FANCL: variants seen among roughly 807,000 people sequenced by gnomAD.
FANCL encodes FA complementation group L, also known as E3 ubiquitin-protein ligase FANCL.
In FANCL, 69 loss-of-function variants were observed where a neutral mutation model predicts 59.4. The observed-to-expected ratio is 1.16, with a 90% confidence interval of 0.96 to 1.42. The LOEUF (loss-of-function observed/expected upper bound fraction) is 1.42, where lower values mean the gene tolerates loss of function less well. Ranked by LOEUF, FANCL falls within the 40% of genes most tolerant of loss-of-function variation. The probability of loss-of-function intolerance (pLI) is 0.00; values close to 1 mark genes in which losing one functional copy is unlikely to be tolerated. For missense variants in FANCL, 519 were observed against 447.2 expected (o/e 1.16, Z -1.45); for synonymous variants, 180 against 147.1 (o/e 1.22, Z -1.62).
intron 3 of FANCL, among the ~76,000 whole-genome samples, chr2:58,227,474 C>T (rs1423516189): frequency 6.6e-6 from 1 of 152,134 alleles, no homozygotes; most frequent in Non-Finnish European, 1.5e-5. Context: ...TTTCCCCTGG[C>T]GTCGGGTTGC....
intron 5 of FANCL, chr2:58,213,800 GC>G (rs1177206256): frequency 4.0e-5 from 6 of 151,480 alleles, no homozygotes; most frequent in African/African-American, 1.5e-4. Flanking sequence ...ACAAATCTAC[GC>G]AACAGATTTT....
intron 7 of FANCL, among the ~76,000 whole-genome samples, chr2:58,168,919 G>A (rs1201724956): frequency 6.6e-6 from 1 of 152,154 alleles, no homozygotes; most frequent in Admixed American, 6.5e-5. Flanking sequence ...TCTGGGCAGG[G>A]CACCTCTGAA....
chr2:58,241,352 T>A, upstream of FANCL: 1 of 1,594,122 alleles, frequency 6.3e-7, no homozygotes, highest in Non-Finnish European at 8.6e-7. Flanking sequence ...GCTCTAGACC[T>A]GCTGGGTCCT....
chr2:58,236,314 G>A (rs75241352), intron 1 of FANCL, among the ~76,000 whole-genome samples: 19 of 151,978 alleles, frequency 1.3e-4, no homozygotes, highest in African/African-American at 4.6e-4. Flanking sequence ...AACAGTGCAA[G>A]ACAGTGAAGT....
Position 58,171,052 on chromosome 2 carries a change from C to A in FANCL, c.541-5178G>T, listed in dbSNP as rs184811805. Reference sequence around the variant, plus strand: ...TAATAGACATCTACACAACTCTCCACCCCAAATTAACAAAACATACATTCC... The same window carrying A: ...TAATAGACATCTACACAACTCTCCAACCCAAATTAACAAAACATACATTCC... On this transcript the variant is annotated intron_variant, in intron 7 of 13. Transcript: ENST00000233741. Among the ~76,000 whole-genome samples, 16 of 152,290 alleles carry A rather than the reference C, an allele frequency of 1.1e-4. No homozygotes were observed. In the East Asian group the frequency reaches 2.9e-3, roughly 28 times the overall value.
At chr2:58,213,128 T>C (rs1691345860) in intron 5 of FANCL, among the ~76,000 whole-genome samples, 1 of 152,206 alleles carries the variant, frequency 6.6e-6, no homozygotes, top group South Asian at 2.1e-4. Context: ...TTATTTAGAG[T>C]GTAAGGAAAA....
chr2:58,175,739 C>T (rs1207437372), intron 7 of FANCL, among the ~76,000 whole-genome samples: 2 of 152,172 alleles, frequency 1.3e-5, no homozygotes, highest in African/African-American at 2.4e-5. Flanking sequence ...GGGATGCCCT[C>T]TCTCACCACT....
chr2:58,229,955 T>G, intron 2 of FANCL, 81 bp from the exon 3 acceptor site: 4 of 914,404 alleles, frequency 4.4e-6, no homozygotes, highest in Non-Finnish European at 7.2e-6. Flanking sequence ...AACATGCATG[T>G]ACATACAAAA....
intron 5 of FANCL, among the ~76,000 whole-genome samples, chr2:58,207,262 T>A (rs1013140727): frequency 4.6e-5 from 7 of 152,138 alleles, no homozygotes; most frequent in Admixed American, 6.6e-5. Flanking sequence ...GGAACAACAC[T>A]CTATAAAGCA....
chr2:58,204,173 G>A lies in FANCL; in HGVS notation c.428C>T (p.Ala143Val), dbSNP rs756000370. ...AGTGATTAAATGCTCTCTACCAGAA[G>A]CATCTTCTGCTTTTAACTTGATGGT... is the stretch of plus-strand genomic sequence containing the variant. ...FSTIKLKAEDASGREHLITLK... is the reference protein window; with the variant it reads ...FSTIKLKAEDVSGREHLITLK... The change falls in exon 6 of 14, where the codon GCT becomes GTT. Residue 143 changes from alanine (A) to valine (V), a missense_variant. Physicochemically the swap from Ala to Val is moderately conservative, Grantham distance 64. Coordinates refer to ENST00000233741, the MANE Select transcript of FANCL (RefSeq NM_018062.4). 9.9e-6 allele frequency: 16 copies of A among 1,613,136 alleles called. No individual in the cohort carries two copies. In the East Asian group the frequency reaches 3.1e-4, roughly 31 times the overall value.
chr2:58,201,820 C>A (rs1030643696), intron 6 of FANCL, among the ~76,000 whole-genome samples: 3 of 151,608 alleles, frequency 2.0e-5, no homozygotes, highest in South Asian at 2.1e-4. Context: ...TCTTGGAGAT[C>A]GTGAGGGGAA....
chr2:58,192,017 A>G (rs1688973097), intron 7 of FANCL, among the ~76,000 whole-genome samples: 1 of 151,944 alleles, frequency 6.6e-6, no homozygotes, highest in South Asian at 2.1e-4. Flanking sequence ...TTCTCTTTAT[A>G]CTATGCTACA....
chr2:58,215,124 T>A (rs1363844425), intron 5 of FANCL, among the ~76,000 whole-genome samples: 1 of 152,206 alleles, frequency 6.6e-6, no homozygotes, highest in Admixed American at 6.5e-5. Context: ...TGAAGATAAG[T>A]CAAAATAATA....
intron 7 of FANCL, among the ~76,000 whole-genome samples, chr2:58,190,629 C>T (rs964251413): frequency 2.0e-5 from 3 of 151,696 alleles, no homozygotes; most frequent in African/African-American, 7.3e-5. Flanking sequence ...ACTCTAAAAT[C>T]AATGAAATAA....
intron 1 of FANCL, among the ~76,000 whole-genome samples, chr2:58,238,247 G>A (rs1437465845): frequency 1.3e-5 from 2 of 152,118 alleles, no homozygotes; most frequent in Admixed American, 6.5e-5. Flanking sequence ...GTGACCCAGG[G>A]AAGCCAAAAG....
intron 6 of FANCL, among the ~76,000 whole-genome samples, chr2:58,203,720 G>T (rs1199717762): frequency 6.6e-6 from 1 of 151,928 alleles, no homozygotes; most frequent in East Asian, 1.9e-4. Context: ...TTAGGGAGTG[G>T]GGATCACAGA....
intron 13 of FANCL, 62 bp downstream of exon 13, chr2:58,160,043 ATCT>A: frequency 6.2e-7 from 1 of 1,604,984 alleles, no homozygotes; most frequent in South Asian, 1.1e-5. Flanking sequence ...ATATAGATCT[ATCT>A]TCTAGAACAT....
At chr2:58,172,769 G>A (rs1462414460) in intron 7 of FANCL, among the ~76,000 whole-genome samples, 2 of 152,174 alleles carry the variant, frequency 1.3e-5, no homozygotes, top group Admixed American at 6.5e-5. Flanking sequence ...CACCAGCAAT[G>A]GAACAAAGCT....
intron 7 of FANCL, among the ~76,000 whole-genome samples, chr2:58,197,571 T>C (rs1003786546): frequency 1.3e-5 from 2 of 152,170 alleles, no homozygotes; most frequent in South Asian, 4.1e-4. Flanking sequence ...CTACCGATAA[T>C]CATACCACCT....
Sources: allele counts gnomAD v4.1 joint callset (sites outside exome capture counted in the v4.1 genomes callset), GRCh38; gene constraint gnomAD v4.1.1; transcripts MANE v1.5; gene names NCBI Gene and HGNC (gene_info 2026-07-23, HGNC 2026-07-21).